SLC18A1: variants seen among roughly 807,000 people sequenced by gnomAD.
SLC18A1 encodes the protein chromaffin granule amine transporter.
SLC18A1 carries 69 observed loss-of-function variants against 53.7 expected under a neutral mutation model. That is an observed-to-expected ratio of 1.28 (90% CI 1.06 to 1.57). The LOEUF is 1.57. SLC18A1 is among the 40% of genes most tolerant of loss of function. The pLI is 0.00. For synonymous variants in SLC18A1, 320 were observed against 248.1 expected (o/e 1.29, Z -2.72); for missense variants, 932 against 668.1 (o/e 1.40, Z -4.35).
chr8:20,150,843 A>G, intron 10 of SLC18A1, 99 bp from the exon 11 acceptor site: 5 of 1,072,098 alleles, frequency 4.7e-6, no homozygotes, highest in South Asian at 2.6e-5. Context: ...GTAACCTTCC[A>G]AGATCCCCAA....
intron 2 of SLC18A1, among the ~76,000 whole-genome samples, chr8:20,180,334 A>G (rs151255218): frequency 3.1e-4 from 47 of 152,310 alleles, no homozygotes; most frequent in Non-Finnish European, 5.4e-4. Context: ...CCATTTATAC[A>G]AGGGTGTAAC....
At position 20,179,123 on chromosome 8, in the gene SLC18A1, G is replaced by A. The variant is rs1418201194; in HGVS notation, c.486C>T (p.Asn162=). 1.9e-6 allele frequency: 3 copies of A among 1,609,816 alleles called. No homozygotes were observed. The highest frequency in any genetic ancestry group is 2.5e-6 in the Non-Finnish European group (3 of 1,177,412). The change falls in exon 3 of 16, where the codon AAC becomes AAT. Residue 162 remains asparagine (N), a splice_region_variant and synonymous_variant. Coordinates refer to ENST00000276373, the MANE Select transcript of SLC18A1 (RefSeq NM_003053.4). ...LVNPFVGPLT[N]RIGYHIPMFA... ...GGGCACTGCACCCAGTGAGATACCT[G>A]TTGGTGAGAGGGCCCACGAATGGGT...
At chr8:20,179,510 G>A (rs1393847652) in intron 2 of SLC18A1, 26 bp from the exon 3 acceptor site, 8 of 1,585,432 alleles carry the variant, frequency 5.0e-6, no homozygotes, top group African/African-American at 2.7e-5. Context: ...GACAGGTGAT[G>A]GGGGCTAAGG....
chr8:20,166,890 A>G (rs997832481), intron 8 of SLC18A1, among the ~76,000 whole-genome samples: 9 of 152,132 alleles, frequency 5.9e-5, no homozygotes, highest in Non-Finnish European at 8.8e-5. Context: ...TCCTCTGTGC[A>G]TGCACACTGA....
chr8:20,145,997 G>A (rs1563714229), intron 15 of SLC18A1, 121 bp from the exon 16 acceptor site: 7 of 463,038 alleles, frequency 1.5e-5, no homozygotes, highest in Non-Finnish European at 2.3e-5. Flanking sequence ...CTCACTGCAA[G>A]CTCCGCCTCC....
rs1235212014 is a variant in SLC18A1 at position 20,166,287 on chromosome 8, G to GTGTGTGTGTA, written c.859-1181_859-1180insTACACACACA. The stretch of plus-strand genomic sequence containing the variant: ...CAAAATTGTGTGTGGGTGTGTGTGT[G>GTGTGTGTGTA]TCTATATATATATATATATATATAT... On this transcript the variant is annotated intron_variant, in intron 8 of 15. Coordinates refer to ENST00000276373, the MANE Select transcript of SLC18A1 (RefSeq NM_003053.4). Among the ~76,000 whole-genome samples, 113 of 78,986 alleles carry GTGTGTGTGTA rather than the reference G, an allele frequency of 1.4e-3. 1 individual carries two copies. Among genetic ancestry groups the GTGTGTGTGTA allele is most frequent in the African/African-American group, 5.9e-3 (108 of 18,200 alleles). The allele number at this position is 78,986 out of a possible 152,430, so 51.8% of individuals were successfully genotyped here. A position where few individuals can be genotyped will look rare whatever the true frequency, so the allele number is the denominator to read the frequency against.
At position 20,154,419 on chromosome 8, in the gene SLC18A1, G is replaced by A. The variant is rs558556300; in HGVS notation, c.1016-3675C>T. ...ATGAATGAGGAGGGACAACTAAGAG[G>A]TCACTAGATGTTTGCAACAAACAAG... On this transcript the variant is annotated intron_variant, in intron 10 of 15. Coordinates refer to ENST00000276373, the MANE Select transcript of SLC18A1 (RefSeq NM_003053.4). Among the ~76,000 whole-genome samples, 5 of 152,248 alleles carry A rather than the reference G, an allele frequency of 3.3e-5. No individual in the cohort carries two copies. In the South Asian group the frequency reaches 1.0e-3, roughly 32 times the overall value.
intron 11 of SLC18A1, among the ~76,000 whole-genome samples, chr8:20,150,054 C>T (rs2071511140): frequency 6.6e-6 from 1 of 152,182 alleles, no homozygotes; most frequent in South Asian, 2.1e-4. Flanking sequence ...ATGCTGTTGC[C>T]CAGCTCAGAC....
intron 8 of SLC18A1, among the ~76,000 whole-genome samples, chr8:20,168,082 A>C (rs1307457175): frequency 6.6e-6 from 1 of 152,156 alleles, no homozygotes; most frequent in Non-Finnish European, 1.5e-5. Flanking sequence ...GTATGTTAAA[A>C]TGACACAGCA....
chr8:20,150,711 AG>A lies in SLC18A1; in HGVS notation c.1048del (p.Leu350SerfsTer21). The A allele has an allele frequency of 6.2e-7, 1 of 1,614,158 alleles. No individual in the cohort carries two copies. The highest frequency in any genetic ancestry group is 8.5e-7 in the Non-Finnish European group (1 of 1,180,014). On this transcript the variant is annotated frameshift_variant, in exon 11 of 16. Coordinates refer to ENST00000276373, the MANE Select transcript of SLC18A1 (RefSeq NM_003053.4). LOFTEE classifies it high-confidence loss of function. ...CACACCAAAGAGGTTGGTGCCAATGAGGTAGGACACACTGGCAGGCAAGAAA... is the reference window on the plus strand; with the variant it reads ...CACACCAAAGAGGTTGGTGCCAATGAGTAGGACACACTGGCAGGCAAGAAA... The part of the protein sequence containing the change: ...LAFLPASVSY[L>X]IGTNLFGVLA...
At chr8:20,166,269 G>C (rs2071954778) in intron 8 of SLC18A1, among the ~76,000 whole-genome samples, 1 of 114,898 alleles carries the variant, frequency 8.7e-6, no homozygotes, top group African/African-American at 3.6e-5. Flanking sequence ...ATACAAAATT[G>C]TGTGTGGGTG....
chr8:20,183,044 G>T lies in SLC18A1; in HGVS notation c.-124+19C>A, dbSNP rs1021366868. On this transcript the variant is annotated intron_variant, in intron 1 of 15. Coordinates refer to ENST00000276373, the MANE Select transcript of SLC18A1 (RefSeq NM_003053.4). Reference sequence around the variant, plus strand: ...TCACAAGGAAAGATTAAATTTGTCCGGAGAGAGAAAAATCTTACCTTGGAG... The same window carrying T: ...TCACAAGGAAAGATTAAATTTGTCCTGAGAGAGAAAAATCTTACCTTGGAG... 2 of 152,176 alleles carry T rather than the reference G, an allele frequency of 1.3e-5. No homozygotes were observed. The highest frequency in any genetic ancestry group is 2.4e-5 in the African/African-American group (1 of 41,446). 9.4% of individuals were successfully genotyped at this position (152,176 alleles called of 1,614,324 possible).
At chr8:20,161,397 G>T (rs1307017998) in intron 10 of SLC18A1, among the ~76,000 whole-genome samples, 1 of 152,094 alleles carries the variant, frequency 6.6e-6, no homozygotes, top group Non-Finnish European at 1.5e-5. Flanking sequence ...ATACAAAAAA[G>T]AAAATAATAC....
At chr8:20,155,407 C>G (rs1249336227) in intron 10 of SLC18A1, among the ~76,000 whole-genome samples, 1 of 152,152 alleles carries the variant, frequency 6.6e-6, no homozygotes, top group South Asian at 2.1e-4. Flanking sequence ...GGCTTTCTAA[C>G]AACACCCAAT....
At position 20,147,625 on chromosome 8, in the gene SLC18A1, A is replaced by C; in HGVS notation, c.1308T>G (p.Ala436=). Residue 436 remains alanine (A), a synonymous_variant, in exon 14 of 16, where the codon GCT becomes GCG. Transcript: ENST00000276373. ...TACCTATAGCAAAGCCCATGCAAAA[A>C]GCCACATCAGCGATGGCGTAGACAC... ...YGSVYAIADV[A]FCMGFAIGPS... is the part of the protein sequence containing the mutation. 6.2e-7 allele frequency: 1 copy of C among 1,614,130 alleles called. No individual in the cohort carries two copies. The highest frequency in any genetic ancestry group is 8.5e-7 in the Non-Finnish European group (1 of 1,180,016).
chr8:20,153,877 G>C (rs569058304), intron 10 of SLC18A1, among the ~76,000 whole-genome samples: 14 of 152,312 alleles, frequency 9.2e-5, no homozygotes, highest in African/African-American at 3.4e-4. Flanking sequence ...GATATTGCTT[G>C]ATATTTGTCC....
Position 20,147,635 on chromosome 8 carries a change from G to C in SLC18A1, c.1298C>G (p.Ala433Gly). 1 of 1,614,122 alleles carries C rather than the reference G, an allele frequency of 6.2e-7. No individual in the cohort carries two copies. Among genetic ancestry groups the C allele is most frequent in the East Asian group, 2.2e-5 (1 of 44,874 alleles). The change falls in exon 14 of 16, where the codon GCT becomes GGT. Residue 433 changes from alanine to glycine, a missense_variant. Physicochemically the swap from Ala to Gly is moderately conservative, Grantham distance 60 (BLOSUM62 0). Coordinates refer to ENST00000276373, the MANE Select transcript of SLC18A1 (RefSeq NM_003053.4). ...TSVYGSVYAIADVAFCMGFAI... is the reference protein window; with the variant it reads ...TSVYGSVYAIGDVAFCMGFAI... The stretch of plus-strand genomic sequence containing the variant: ...AAAGCCCATGCAAAAAGCCACATCA[G>C]CGATGGCGTAGACACTCCCATACAC...
Position 20,174,449 on chromosome 8 carries a change from G to C in SLC18A1, c.548-5C>G. 6.2e-7 allele frequency: 1 copy of C among 1,610,842 alleles called. No homozygotes were observed. Among genetic ancestry groups the C allele is most frequent in the Non-Finnish European group, 8.5e-7 (1 of 1,177,198 alleles). ...AGGTCCCAGAAAAAGCAAACACTGG[G>C]CAGAGAGAATAGCAAGATAACTGCA... On this transcript the variant is annotated splice_polypyrimidine_tract_variant and splice_region_variant and intron_variant, in intron 4 of 15. Coordinates refer to ENST00000276373, the MANE Select transcript of SLC18A1 (RefSeq NM_003053.4).
At chr8:20,154,039 C>T (rs759093996) in intron 10 of SLC18A1, among the ~76,000 whole-genome samples, 1 of 152,114 alleles carries the variant, frequency 6.6e-6, no homozygotes, top group Non-Finnish European at 1.5e-5. Flanking sequence ...TAAGTTCACA[C>T]AAGAGCTGGT....
Sources: gnomAD v4.1 joint callset for allele counts (sites outside exome capture counted in the v4.1 genomes callset) on GRCh38, gnomAD v4.1.1 for gene constraint, MANE v1.5 for transcripts, NCBI Gene and HGNC (gene_info 2026-07-23, HGNC 2026-07-21) for gene names.